Variants in CSTPP1 observed in about 807,000 individuals in gnomAD.
CSTPP1 encodes UPF0705 protein C11orf49.
chr11:47,096,654 C>T, the CSTPP1 span, among the ~76,000 whole-genome samples: 1 of 152,084 alleles, frequency 6.6e-6, no homozygotes, highest in South Asian at 2.1e-4. Flanking sequence ...TTTATCATGA[C>T]CTGTGTGTTC....
chr11:47,161,709 C>T, the CSTPP1 span: 27 of 1,527,646 alleles, frequency 1.8e-5, no homozygotes, highest in African/African-American at 3.6e-4. Context: ...CCCACCCAGC[C>T]TCCTCTCCAG....
the CSTPP1 span, among the ~76,000 whole-genome samples, chr11:47,096,683 T>G: frequency 6.6e-6 from 1 of 152,236 alleles, no homozygotes; most frequent in Non-Finnish European, 1.5e-5. Context: ...AATTATTCAT[T>G]TGAAATTGTT....
chr11:47,109,157 T>C, the CSTPP1 span: 1 of 152,282 alleles, frequency 6.6e-6, no homozygotes, highest in South Asian at 2.1e-4. Flanking sequence ...CCAGACTTTA[T>C]CTTCAAAAGA....
the CSTPP1 span, among the ~76,000 whole-genome samples, chr11:47,013,862 A>G: frequency 6.6e-6 from 1 of 152,202 alleles, no homozygotes; most frequent in African/African-American, 2.4e-5. Context: ...CCAACAGTGT[A>G]AAAGTGTTCA....
At chr11:46,952,452 A>C in the CSTPP1 span, among the ~76,000 whole-genome samples, 9 of 152,232 alleles carry the variant, frequency 5.9e-5, no homozygotes, top group Non-Finnish European at 4.4e-5. Flanking sequence ...GAAGAATGGC[A>C]GTGTATTTTT....
At chr11:47,022,004 G>C in the CSTPP1 span, among the ~76,000 whole-genome samples, 5,901 of 148,862 alleles carry the variant, frequency 0.04, 353 homozygotes, top group African/African-American at 0.14. Context: ...ATTTCACTCT[G>C]TTCTACCTTG....
chr11:47,159,654 C>CAATT, the CSTPP1 span: 2 of 456,100 alleles, frequency 4.4e-6, no homozygotes, highest in Non-Finnish European at 8.8e-6. Context: ...AAGGAGAAGC[C>CAATT]AATTAGCAAC....
the CSTPP1 span, among the ~76,000 whole-genome samples, chr11:46,992,823 A>G: frequency 6.6e-6 from 1 of 152,246 alleles, no homozygotes; most frequent in South Asian, 2.1e-4. Context: ...ACTGTCTTCC[A>G]TAATGGTTGA....
chr11:47,126,382 G>A, the CSTPP1 span, among the ~76,000 whole-genome samples: 1 of 152,140 alleles, frequency 6.6e-6, no homozygotes, highest in Non-Finnish European at 1.5e-5. Flanking sequence ...CAATACTTCG[G>A]GAGGCCAAGG....
chr11:47,122,537 A>G, the CSTPP1 span, among the ~76,000 whole-genome samples: 1 of 152,096 alleles, frequency 6.6e-6, no homozygotes, highest in African/African-American at 2.4e-5. Flanking sequence ...TATACCATAA[A>G]TCAAAATGGC....
chr11:47,022,528 C>A, the CSTPP1 span, among the ~76,000 whole-genome samples: 1 of 151,802 alleles, frequency 6.6e-6, no homozygotes, highest in Non-Finnish European at 1.5e-5. Flanking sequence ...CGCCACCACA[C>A]CTGGCTAATT....
At chr11:46,964,580 T>G in the CSTPP1 span, among the ~76,000 whole-genome samples, 2 of 152,284 alleles carry the variant, frequency 1.3e-5, no homozygotes, top group Admixed American at 6.5e-5. Context: ...CCACCGCGCC[T>G]GGCCCACAGT....
the CSTPP1 span, among the ~76,000 whole-genome samples, chr11:46,975,640 G>T: frequency 1.7e-3 from 256 of 152,206 alleles, 3 homozygotes; most frequent in African/African-American, 5.8e-3. Context: ...TGGCTTTATG[G>T]TTATAGACAG....
At chr11:47,028,313 C>A in the CSTPP1 span, among the ~76,000 whole-genome samples, 5 of 152,158 alleles carry the variant, frequency 3.3e-5, no homozygotes, top group Non-Finnish European at 5.9e-5. Context: ...TGATGCATAT[C>A]CGTGGGGAGA....
chr11:47,154,664 C>T, the CSTPP1 span, among the ~76,000 whole-genome samples: 1 of 152,164 alleles, frequency 6.6e-6, no homozygotes, highest in Non-Finnish European at 1.5e-5. Context: ...CGGTGTCTGT[C>T]GCTGTTCTGG....
At chr11:46,954,802 C>CTT in the CSTPP1 span, among the ~76,000 whole-genome samples, 1 of 137,976 alleles carries the variant, frequency 7.2e-6, no homozygotes, top group Admixed American at 7.2e-5. Flanking sequence ...CATTTTCTTT[C>CTT]TTTTTTTTTT....
At chr11:47,157,027 C>T in the CSTPP1 span, 4 of 1,614,038 alleles carry the variant, frequency 2.5e-6, no homozygotes, top group South Asian at 4.4e-5. Flanking sequence ...TTCCAGAATT[C>T]CTGGACAGTG....
chr11:47,101,601 GAA>G, the CSTPP1 span, among the ~76,000 whole-genome samples: 1 of 143,574 alleles, frequency 7.0e-6, no homozygotes, highest in African/African-American at 2.5e-5. Context: ...ATTCATCTTA[GAA>G]AAAAAAAAAA....
chr11:47,099,138 CCT>C, the CSTPP1 span, among the ~76,000 whole-genome samples: 2 of 152,088 alleles, frequency 1.3e-5, no homozygotes, highest in Non-Finnish European at 2.9e-5. Flanking sequence ...ATTCTATAAC[CCT>C]CTCTGTCACA....
Sources: allele counts gnomAD v4.1 joint callset (sites outside exome capture counted in the v4.1 genomes callset), GRCh38; gene constraint gnomAD v4.1.1; transcripts MANE v1.5; gene names NCBI Gene and HGNC (gene_info 2026-07-23, HGNC 2026-07-21).